The following SAMD4A variants were observed in gnomAD, a reference collection of about 807,000 sequenced individuals.
SAMD4A encodes protein Smaug homolog 1.
Under a neutral mutation model 81.3 loss-of-function variants are expected in SAMD4A, and 33 were observed. That is an observed-to-expected ratio of 0.41 (90% CI 0.31 to 0.54). The LOEUF (loss-of-function observed/expected upper bound fraction) is 0.54. SAMD4A is among the 20% of genes least tolerant of loss of function. The probability of loss-of-function intolerance (pLI) is 0.37; values close to 1 mark genes in which losing one functional copy is unlikely to be tolerated. For synonymous variants in SAMD4A, 389 were observed against 382.1 expected, an observed-to-expected ratio of 1.02 and a Z score of -0.21; for missense variants, 854 against 951.1, an observed-to-expected ratio of 0.90 and a Z score of 1.34.
chr14:54,774,594 C>G (rs1196753669), intron 9 of SAMD4A, among the ~76,000 whole-genome samples: 1 of 151,156 alleles, frequency 6.6e-6, no homozygotes, highest in Admixed American at 6.6e-5. Flanking sequence ...TTGGGAAGAT[C>G]GCTTGAGCCT....
In SAMD4A at chr14:54,595,390, C is replaced by CAT. The variant is rs938591150; in HGVS notation, c.196+27289_196+27290dup. Among the ~76,000 whole-genome samples, 41 of 148,420 alleles carry CAT rather than the reference C, an allele frequency of 2.8e-4. No homozygotes were observed. The East Asian group carries it at 5.9e-3, about 21-fold the overall frequency. On this transcript the variant is annotated intron_variant, in intron 2 of 12. Transcript: ENST00000554335. ...GTCAAAATGGGTACAGGGCTGGTGC[C>CAT]ATATATATATATGTATACATGTGTT...
At chr14:54,674,316 T>C (rs1286959282) in intron 2 of SAMD4A, among the ~76,000 whole-genome samples, 1 of 152,268 alleles carries the variant, frequency 6.6e-6, no homozygotes, top group African/African-American at 2.4e-5. Flanking sequence ...TTTAAGTTGC[T>C]TTTTGCTTTT....
chr14:54,685,279 C>CT (rs1041089289), intron 2 of SAMD4A, among the ~76,000 whole-genome samples: 16 of 148,146 alleles, frequency 1.1e-4, no homozygotes, highest in African/African-American at 4.1e-4. Context: ...TTCCTGCCCC[C>CT]CCCCCCAGCT....
rs1245903264 is a variant in SAMD4A, at chr14:54,626,053, T to TGC, written c.196+57942_196+57943insCG. 3.5e-3 allele frequency among the ~76,000 whole-genome samples: 425 copies of TGC among 120,092 alleles called. 2 individuals are homozygous for TGC. Among genetic ancestry groups the TGC allele is most frequent in the African/African-American group, 0.012 (279 of 23,838 alleles). 78.8% of individuals were successfully genotyped at this position (120,092 alleles called of 152,430 possible). A position where few individuals can be genotyped will look rare whatever the true frequency, so the allele number is the denominator to read the frequency against. ...GTGTGTGTGTGTGTGTGTGTGTGTG[T>TGC]GTGTGTGCGCGCGCGCGCGCGCGAG... is the stretch of plus-strand genomic sequence containing the variant. On this transcript the variant is annotated intron_variant, in intron 2 of 12. Transcript: ENST00000554335.
intron 8 of SAMD4A, 53 bp from the exon 9 acceptor site, chr14:54,770,051 C>T (rs915283018): frequency 8.9e-6 from 10 of 1,125,900 alleles, no homozygotes; most frequent in African/African-American, 1.5e-5. Flanking sequence ...GCATGTTTCT[C>T]CCTCTAATGC....
intron 4 of SAMD4A, among the ~76,000 whole-genome samples, chr14:54,740,230 C>T (rs970415078): frequency 6.6e-6 from 1 of 152,158 alleles, no homozygotes; most frequent in Non-Finnish European, 1.5e-5. Context: ...AAGTGAGGTG[C>T]TTTGAAAAAG....
chr14:54,682,043 G>T, intron 2 of SAMD4A: 12 of 985,354 alleles, frequency 1.2e-5, no homozygotes, highest in Non-Finnish European at 1.3e-5. Context: ...TGAATATTAT[G>T]AACATGTGCC....
intron 2 of SAMD4A, among the ~76,000 whole-genome samples, chr14:54,643,850 TG>T (rs1315132443): frequency 2.0e-5 from 3 of 152,186 alleles, no homozygotes; most frequent in Admixed American, 2.0e-4. Flanking sequence ...AGGTTTTTTT[TG>T]TGTGCTTTCA....
At chr14:54,726,280 G>A (rs2037413706) in intron 3 of SAMD4A, among the ~76,000 whole-genome samples, 1 of 152,080 alleles carries the variant, frequency 6.6e-6, no homozygotes, top group African/African-American at 2.4e-5. Flanking sequence ...TTGCCCAGGA[G>A]TCAAAATATT....
intron 2 of SAMD4A, among the ~76,000 whole-genome samples, chr14:54,686,038 C>T (rs965225661): frequency 3.3e-5 from 5 of 152,176 alleles, no homozygotes; most frequent in Non-Finnish European, 5.9e-5. Flanking sequence ...TAAGCTCCAG[C>T]GAAAGCTTTC....
In SAMD4A at chr14:54,792,244, C is replaced by G. The variant is rs1422499763; in HGVS notation, c.*3300C>G. The G allele has an allele frequency of 5.9e-5, 9 of 152,180 alleles. No homozygotes were observed. The highest frequency in any genetic ancestry group is 1.0e-4 in the Non-Finnish European group (7 of 68,042). 9.4% of individuals were successfully genotyped at this position (152,180 alleles called of 1,614,324 possible). A position where few individuals can be genotyped will look rare whatever the true frequency, so the allele number is the denominator to read the frequency against. Reference sequence around the variant, plus strand: ...CTGCCTGTCCGGGCGGCTCTTTGCACCGAGCTCTCAAATCCTGTGTATTGA... The same window carrying G: ...CTGCCTGTCCGGGCGGCTCTTTGCAGCGAGCTCTCAAATCCTGTGTATTGA... On this transcript the variant is annotated 3_prime_UTR_variant, in exon 13 of 13. Coordinates refer to ENST00000554335, the MANE Select transcript of SAMD4A (RefSeq NM_015589.6).
chr14:54,739,059 T>TTTTC (rs1555349363), intron 4 of SAMD4A, among the ~76,000 whole-genome samples: 1 of 143,668 alleles, frequency 7.0e-6, no homozygotes, highest in African/African-American at 2.6e-5. Flanking sequence ...CCTTTTCTTT[T>TTTTC]TTTTTTTTTT....
intron 2 of SAMD4A, among the ~76,000 whole-genome samples, chr14:54,587,150 G>A (rs2033645366): frequency 6.6e-6 from 1 of 152,074 alleles, no homozygotes; most frequent in Admixed American, 6.6e-5. Context: ...CATGTCCTTG[G>A]TTAGGTATAT....
At chr14:54,614,392 G>A (rs1295255573) in intron 2 of SAMD4A, among the ~76,000 whole-genome samples, 1 of 152,134 alleles carries the variant, frequency 6.6e-6, no homozygotes, top group African/African-American at 2.4e-5. Flanking sequence ...ATTTTTAAGA[G>A]TGTAAATGGG....
intron 2 of SAMD4A, among the ~76,000 whole-genome samples, chr14:54,643,177 C>T (rs1034892021): frequency 2.6e-5 from 4 of 152,220 alleles, no homozygotes; most frequent in African/African-American, 9.6e-5. Flanking sequence ...CTGCTGTTTA[C>T]TCAATTCACT....
At position 54,685,302 on chromosome 14, in the gene SAMD4A, C is replaced by T. The variant is rs74424268; in HGVS notation, c.197-16760C>T. On this transcript the variant is annotated intron_variant, in intron 2 of 12. Coordinates refer to ENST00000554335, the MANE Select transcript of SAMD4A (RefSeq NM_015589.6). The stretch of plus-strand genomic sequence containing the variant: ...CCCCCCCCCAGCTCCTGGCAGCCAC[C>T]ATTCTGCTTTCTGACTACTCAAGAG... Among the ~76,000 whole-genome samples the T allele has an allele frequency of 6.4e-3, 960 of 150,888 alleles. 10 individuals carry two copies. In the Middle Eastern group the frequency reaches 0.069, roughly 11 times the overall value.
chr14:54,639,625 A>T (rs2035121865), intron 2 of SAMD4A, among the ~76,000 whole-genome samples: 1 of 152,126 alleles, frequency 6.6e-6, no homozygotes, highest in African/African-American at 2.4e-5. Flanking sequence ...CAGCACTTTT[A>T]TGTGGAGTCT....
intron 2 of SAMD4A, among the ~76,000 whole-genome samples, chr14:54,605,796 T>C (rs2034181702): frequency 6.7e-6 from 1 of 150,222 alleles, no homozygotes; most frequent in Non-Finnish European, 1.5e-5. Flanking sequence ...AACATGCCTA[T>C]ATATATATAT....
chr14:54,729,512 A>G (rs2037506962), intron 3 of SAMD4A, among the ~76,000 whole-genome samples: 1 of 152,168 alleles, frequency 6.6e-6, no homozygotes, highest in African/African-American at 2.4e-5. Context: ...GCTTAACTCC[A>G]TTATTTTCCC....
Sources: allele counts gnomAD v4.1 joint callset (sites outside exome capture counted in the v4.1 genomes callset), GRCh38; gene constraint gnomAD v4.1.1; transcripts MANE v1.5; gene names NCBI Gene and HGNC (gene_info 2026-07-23, HGNC 2026-07-21).